The following RYR2 variants were observed in gnomAD, a reference collection of about 807,000 sequenced individuals.
RYR2 encodes cardiac muscle ryanodine receptor-calcium release channel.
Under a neutral mutation model 601.1 loss-of-function variants are expected in RYR2, and 227 were observed. That is an observed-to-expected ratio of 0.38 (90% CI 0.34 to 0.42). The LOEUF is 0.42. Among genes scored for constraint, RYR2 ranks in the 10% least tolerant of loss-of-function variants. The pLI, the probability that RYR2 is intolerant of heterozygous loss-of-function variation, is 1.00. For missense variants in RYR2, 4,646 were observed against 6,156.5 expected, an observed-to-expected ratio of 0.75 and a Z score of 8.21; for synonymous variants, 2,223 against 2,175.1, an observed-to-expected ratio of 1.02 and a Z score of -0.61.
At chr1:237,282,524 G>T (rs1690999803) in intron 2 of RYR2, among the ~76,000 whole-genome samples, 1 of 152,054 alleles carries the variant, frequency 6.6e-6, no homozygotes, top group Non-Finnish European at 1.5e-5. Flanking sequence ...TATTGCTAAA[G>T]GGAAAGCTAG....
chr1:237,683,621 G>T (rs970415042), intron 62 of RYR2, among the ~76,000 whole-genome samples: 1 of 152,180 alleles, frequency 6.6e-6, no homozygotes, highest in Non-Finnish European at 1.5e-5. Flanking sequence ...GGAAAGGTAG[G>T]TTATATAGAT....
At chr1:237,325,805 C>G (rs902286651) in intron 2 of RYR2, among the ~76,000 whole-genome samples, 1 of 151,956 alleles carries the variant, frequency 6.6e-6, no homozygotes, top group African/African-American at 2.4e-5. Flanking sequence ...TTTCAGTTTT[C>G]CAGTGTTGTT....
chr1:237,604,627 C>T (rs899320182), intron 35 of RYR2, among the ~76,000 whole-genome samples: 1 of 152,074 alleles, frequency 6.6e-6, no homozygotes, highest in Non-Finnish European at 1.5e-5. Context: ...ATCAATGAAT[C>T]CAGGAGCTGG....
intron 29 of RYR2, among the ~76,000 whole-genome samples, chr1:237,580,715 C>T (rs1386281776): frequency 6.6e-6 from 1 of 152,076 alleles, no homozygotes; most frequent in Non-Finnish European, 1.5e-5. Context: ...GAGATGGGGC[C>T]TTTAAAGGGG....
intron 1 of RYR2, among the ~76,000 whole-genome samples, chr1:237,054,403 G>C (rs1248999263): frequency 7.1e-6 from 1 of 141,690 alleles, no homozygotes; most frequent in Non-Finnish European, 1.5e-5. Context: ...ATGATTTATG[G>C]CTGTCCTATC....
chr1:237,656,112 G>T, intron 53 of RYR2, 128 bp downstream of exon 53: 1 of 690,598 alleles, frequency 1.4e-6, no homozygotes, highest in Non-Finnish European at 2.3e-6. Flanking sequence ...TTTAATAGGG[G>T]TCCCTTTAAT....
intron 43 of RYR2, 100 bp downstream of exon 43, chr1:237,633,810 A>G: frequency 8.8e-7 from 1 of 1,142,052 alleles, no homozygotes; most frequent in African/African-American, 1.6e-5. Context: ...GGACCTGAAT[A>G]GACATTTCAC....
At chr1:237,573,846 T>G (rs1672961206) in intron 29 of RYR2, among the ~76,000 whole-genome samples, 1 of 151,580 alleles carries the variant, frequency 6.6e-6, no homozygotes, top group South Asian at 2.1e-4. Flanking sequence ...TGCTGTTAGG[T>G]CTCTTCTAAG....
intron 24 of RYR2, among the ~76,000 whole-genome samples, chr1:237,519,506 G>A (rs1040133898): frequency 1.3e-5 from 2 of 152,156 alleles, no homozygotes; most frequent in African/African-American, 4.8e-5. Context: ...TGGCCATCCA[G>A]TTTTCCCAGC....
At chr1:237,242,899 A>T (rs1279161786) in intron 1 of RYR2, among the ~76,000 whole-genome samples, 1 of 152,168 alleles carries the variant, frequency 6.6e-6, no homozygotes, top group Non-Finnish European at 1.5e-5. Flanking sequence ...CAAAGTAAAG[A>T]AGTGATGTGT....
At chr1:237,753,907 G>A (rs965604211) in intron 80 of RYR2, among the ~76,000 whole-genome samples, 11 of 149,466 alleles carry the variant, frequency 7.4e-5, no homozygotes, top group African/African-American at 2.2e-4. Context: ...AAATTTTCTG[G>A]TTTAGCTTTC....
At chr1:237,223,690 C>T (rs1264587391) in intron 1 of RYR2, among the ~76,000 whole-genome samples, 2 of 152,200 alleles carry the variant, frequency 1.3e-5, no homozygotes, top group Non-Finnish European at 2.9e-5. Context: ...TGTGACTTCT[C>T]TTCTGTCAAC....
intron 1 of RYR2, among the ~76,000 whole-genome samples, chr1:237,213,691 G>T (rs979447497): frequency 6.6e-6 from 1 of 151,920 alleles, no homozygotes; most frequent in Non-Finnish European, 1.5e-5. Context: ...TACTTTCCAC[G>T]AGGTTTATAG....
In RYR2 at chr1:237,590,786, G is replaced by A. The variant is rs1278616520; in HGVS notation, c.3954G>A (p.Val1318=). 1 of 1,613,882 alleles carries A rather than the reference G, an allele frequency of 6.2e-7. No individual in the cohort carries two copies. The highest frequency in any genetic ancestry group is 8.5e-7 in the Non-Finnish European group (1 of 1,179,850). Residue 1318 remains valine, a synonymous_variant, in exon 31 of 105, where the codon GTG becomes GTA. Coordinates refer to ENST00000366574, the MANE Select transcript of RYR2 (RefSeq NM_001035.3). The stretch of plus-strand genomic sequence containing the variant: ...GCGCGGAGGTCTTCTCCAAGACGGT[G>A]GCTGGAGGGCTCCCTGGGGCTGGCC... ...IECAEVFSKT[V]AGGLPGAGLF...
chr1:237,577,369 A>G (rs1673339507), intron 29 of RYR2, among the ~76,000 whole-genome samples: 1 of 152,208 alleles, frequency 6.6e-6, no homozygotes, highest in African/African-American at 2.4e-5. Context: ...GTTACTTTAC[A>G]TAGCAAAAGA....
intron 78 of RYR2, 33 bp downstream of exon 78, chr1:237,732,182 AGG>A: frequency 6.0e-6 from 8 of 1,340,628 alleles, no homozygotes; most frequent in Non-Finnish European, 8.5e-6. Flanking sequence ...GAGACATAGG[AGG>A]AGCAAATAAA....
intron 8 of RYR2, among the ~76,000 whole-genome samples, chr1:237,383,667 G>C (rs1334258721): frequency 6.6e-6 from 1 of 151,944 alleles, no homozygotes; most frequent in East Asian, 1.9e-4. Flanking sequence ...CTGACCTCGT[G>C]ATCTGCCCGC....
At chr1:237,094,366 A>G (rs527288129) in intron 1 of RYR2, among the ~76,000 whole-genome samples, 6 of 152,298 alleles carry the variant, frequency 3.9e-5, no homozygotes, top group South Asian at 2.1e-4. Context: ...AAAAGTGTGT[A>G]TCACTCACCC....
In RYR2 at chr1:237,798,097, G is replaced by C; in HGVS notation, c.14017G>C (p.Asp4673His). ...RDRISELLGM[D>H]KAALDFSDAR... ...CAGAATCAGTGAATTACTTGGCATG[G>C]ACAAGGCAGCTCTGGACTTCAGTGA... Residue 4673 changes from aspartate (D) to histidine (H), a missense_variant, in exon 97 of 105, where the codon GAC becomes CAC. Asp to His is a moderately conservative substitution (Grantham distance 81). This residue lies in a region of RYR2 where 76 missense variants were observed against 97.4 expected (regional missense o/e 0.78). Coordinates refer to ENST00000366574, the MANE Select transcript of RYR2 (RefSeq NM_001035.3). The C allele has an allele frequency of 6.2e-7, 1 of 1,611,810 alleles. No homozygotes were observed. Among genetic ancestry groups the C allele is most frequent in the Non-Finnish European group, 8.5e-7 (1 of 1,178,788 alleles).
Sources: allele counts gnomAD v4.1 joint callset (sites outside exome capture counted in the v4.1 genomes callset), GRCh38; gene constraint gnomAD v4.1.1; regional missense constraint gnomAD v4.1.1; transcripts MANE v1.5; gene names NCBI Gene and HGNC (gene_info 2026-07-23, HGNC 2026-07-21).